Variants in XKR6 observed in about 807,000 individuals in gnomAD.
XKR6 encodes XK-related protein 6.
In XKR6, 22 loss-of-function variants were observed where a neutral mutation model predicts 56.7. That is an observed-to-expected ratio of 0.39 (90% CI 0.28 to 0.55). The LOEUF is 0.55. XKR6 is among the 20% of genes least tolerant of loss of function. XKR6 has a pLI of 0.66. For synonymous variants in XKR6, 524 were observed against 387.8 expected, an observed-to-expected ratio of 1.35 and a Z score of -4.13; for missense variants, 852 against 889.0, an observed-to-expected ratio of 0.96 and a Z score of 0.53.
At chr8:11,182,439 G>C (rs927215993) in intron 1 of XKR6, among the ~76,000 whole-genome samples, 2 of 152,232 alleles carry the variant, frequency 1.3e-5, no homozygotes, top group African/African-American at 4.8e-5. Flanking sequence ...CTGTGCTGTA[G>C]AAGTGCAAGT....
intron 1 of XKR6, among the ~76,000 whole-genome samples, chr8:11,131,728 A>C (rs1372774190): frequency 6.6e-6 from 1 of 152,142 alleles, no homozygotes; most frequent in South Asian, 2.1e-4. Context: ...TATTTATACC[A>C]TATTTTTACT....
chr8:11,122,014 A>G (rs73547404), intron 1 of XKR6, among the ~76,000 whole-genome samples: 5,468 of 152,354 alleles, frequency 0.036, 197 homozygotes, highest in African/African-American at 0.089. Context: ...GAAGGGGAAC[A>G]TCACACACAA....
chr8:10,936,222 C>A lies in XKR6; in HGVS notation c.765-11392G>T, dbSNP rs879356064. ...GTTTTATCAGAGAGTAGGATTGCAA[C>A]CCCTGCCTTTTTTTGTTTTCCATTT... On this transcript the variant is annotated intron_variant, in intron 1 of 2. Transcript: ENST00000416569. Among the ~76,000 whole-genome samples, 378 of 150,908 alleles carry A rather than the reference C, an allele frequency of 2.5e-3. 21 individuals are homozygous for A. Among genetic ancestry groups the A allele is most frequent in the Admixed American group, 0.022 (331 of 15,114 alleles).
chr8:10,978,561 C>A (rs1797648461), intron 1 of XKR6, among the ~76,000 whole-genome samples: 1 of 152,184 alleles, frequency 6.6e-6, no homozygotes, highest in South Asian at 2.1e-4. Flanking sequence ...GCATTCTCCT[C>A]CAGAGAAAGA....
chr8:11,178,564 A>ATATGTG, intron 1 of XKR6, among the ~76,000 whole-genome samples: 1 of 141,072 alleles, frequency 7.1e-6, no homozygotes, highest in Non-Finnish European at 1.5e-5. Flanking sequence ...ATATATATAT[A>ATATGTG]TATATATATG....
intron 1 of XKR6, among the ~76,000 whole-genome samples, chr8:11,115,241 A>G (rs1040112751): frequency 6.6e-6 from 1 of 152,192 alleles, no homozygotes; most frequent in African/African-American, 2.4e-5. Context: ...TGTTTTCAAA[A>G]TCCTATTTTA....
chr8:11,185,046 C>A (rs942735720), intron 1 of XKR6, among the ~76,000 whole-genome samples: 1 of 152,112 alleles, frequency 6.6e-6, no homozygotes, highest in African/African-American at 2.4e-5. Flanking sequence ...TCCTCCCAGA[C>A]AAAGCTGGGC....
intron 1 of XKR6, among the ~76,000 whole-genome samples, chr8:11,135,285 T>A (rs752838803): frequency 2.4e-4 from 37 of 152,284 alleles, no homozygotes; most frequent in African/African-American, 8.4e-4. Flanking sequence ...AGTCTCAGCC[T>A]CCCAAAGTGC....
chr8:11,029,781 A>G (rs533253428), intron 1 of XKR6, among the ~76,000 whole-genome samples: 45 of 152,172 alleles, frequency 3.0e-4, no homozygotes, highest in African/African-American at 9.4e-4. Flanking sequence ...CCTGGAACCC[A>G]GGACACTCTA....
chr8:10,915,940 C>A (rs1800551548), intron 2 of XKR6, among the ~76,000 whole-genome samples: 1 of 152,254 alleles, frequency 6.6e-6, no homozygotes, highest in Non-Finnish European at 1.5e-5. Flanking sequence ...TCCTCTTTCC[C>A]TTGATTTAAT....
chr8:11,119,377 T>A (rs1161552696), intron 1 of XKR6, among the ~76,000 whole-genome samples: 5 of 152,356 alleles, frequency 3.3e-5, no homozygotes, highest in South Asian at 2.1e-4. Context: ...TAACTTTCTG[T>A]CTCGTTGATC....
At chr8:11,135,690 G>A (rs956737787) in intron 1 of XKR6, among the ~76,000 whole-genome samples, 2 of 151,834 alleles carry the variant, frequency 1.3e-5, no homozygotes, top group African/African-American at 4.8e-5. Flanking sequence ...ATGTACATGT[G>A]TAATTTCTGA....
intron 1 of XKR6, among the ~76,000 whole-genome samples, chr8:11,181,351 TAGAC>T (rs1217777794): frequency 6.6e-6 from 1 of 152,240 alleles, no homozygotes; most frequent in Non-Finnish European, 1.5e-5. Flanking sequence ...TTTTGACTTT[TAGAC>T]AGACTGTATT....
intron 1 of XKR6, among the ~76,000 whole-genome samples, chr8:10,988,292 G>A (rs150824317): frequency 7.3e-4 from 111 of 152,358 alleles, no homozygotes; most frequent in Non-Finnish European, 1.1e-3. Context: ...ACCACAGCAT[G>A]TGGCACAAAG....
intron 1 of XKR6, among the ~76,000 whole-genome samples, chr8:10,963,269 T>G (rs1315866269): frequency 6.6e-6 from 1 of 152,244 alleles, no homozygotes. Flanking sequence ...GCCTTGGCAC[T>G]GGCAATCCCC....
chr8:11,017,173 G>C (rs1279467407), intron 1 of XKR6, among the ~76,000 whole-genome samples: 1 of 152,228 alleles, frequency 6.6e-6, no homozygotes, highest in African/African-American at 2.4e-5. Flanking sequence ...GAGATAGATA[G>C]AGATGATATA....
intron 1 of XKR6, among the ~76,000 whole-genome samples, chr8:11,118,420 T>C (rs1052479784): frequency 1.3e-5 from 2 of 152,252 alleles, no homozygotes; most frequent in South Asian, 4.1e-4. Context: ...AGAATTCATC[T>C]GTGAAACCCT....
At position 11,166,811 on chromosome 8, in the gene XKR6, G is replaced by A. The variant is rs894349185; in HGVS notation, c.764+33765C>T. 8.5e-5 allele frequency among the ~76,000 whole-genome samples: 13 copies of A among 152,242 alleles called. No individual in the cohort carries two copies. In the South Asian group the frequency reaches 1.2e-3, roughly 15 times the overall value. ...TGGTCTGGAACTCGTGACCTCAGGT[G>A]ATCCAACCGCCTCGACCTCTCAAAA... On this transcript the variant is annotated intron_variant, in intron 1 of 2. Transcript: ENST00000416569.
chr8:11,021,246 A>G (rs1032778710), intron 1 of XKR6, among the ~76,000 whole-genome samples: 6 of 152,192 alleles, frequency 3.9e-5, no homozygotes, highest in African/African-American at 1.4e-4. Context: ...GAAGAGTTAT[A>G]CAGAACCCTG....
Sources: gnomAD v4.1 joint callset for allele counts (sites outside exome capture counted in the v4.1 genomes callset) on GRCh38, gnomAD v4.1.1 for gene constraint, MANE v1.5 for transcripts, NCBI Gene and HGNC (gene_info 2026-07-23, HGNC 2026-07-21) for gene names.